Variants in RBFOX1 observed in about 807,000 individuals in gnomAD.
RBFOX1 encodes the protein RNA binding fox-1 homolog 1, also known as RNA binding protein fox-1 homolog 1.
A neutral mutation model predicts 57.7 loss-of-function variants in RBFOX1; 8 were observed. The observed-to-expected ratio is 0.14, with a 90% CI of 0.08 to 0.25. The LOEUF (loss-of-function observed/expected upper bound fraction) is 0.25, where lower values mean the gene tolerates loss of function less well. Among genes scored for constraint, RBFOX1 ranks in the 10% least tolerant of loss-of-function variants. The pLI is 1.00. For missense variants in RBFOX1, 611 were observed against 548.5 expected (o/e 1.11, Z -1.14); for synonymous variants, 326 against 222.4 (o/e 1.47, Z -4.15).
intron 4 of RBFOX1, among the ~76,000 whole-genome samples, chr16:7,173,761 C>T (rs1283719454): frequency 6.6e-6 from 1 of 152,128 alleles, no homozygotes; most frequent in African/African-American, 2.4e-5. Context: ...AGTTAAGTTC[C>T]ACTTGCAGCA....
intron 4 of RBFOX1, among the ~76,000 whole-genome samples, chr16:5,980,991 C>G (rs1257999604): frequency 6.6e-6 from 1 of 152,148 alleles, no homozygotes; most frequent in Non-Finnish European, 1.5e-5. Context: ...TCTGCAGACC[C>G]ACAGCCTGCC....
intron 2 of RBFOX1, among the ~76,000 whole-genome samples, chr16:5,491,680 T>A (rs1207282530): frequency 6.6e-6 from 1 of 152,228 alleles, no homozygotes; most frequent in African/African-American, 2.4e-5. Context: ...CCAGCAGCCA[T>A]GAGCTAGACT....
chr16:6,786,520 C>G (rs1454395784), intron 3 of RBFOX1, among the ~76,000 whole-genome samples: 1 of 152,122 alleles, frequency 6.6e-6, no homozygotes, highest in Admixed American at 6.5e-5. Flanking sequence ...GTGAACATTT[C>G]AGACAGAGTT....
At chr16:6,907,762 T>C (rs917647050) in intron 3 of RBFOX1, among the ~76,000 whole-genome samples, 4 of 151,634 alleles carry the variant, frequency 2.6e-5, no homozygotes, top group Non-Finnish European at 5.9e-5. Flanking sequence ...TTAGTAGAGA[T>C]AGGGTTTCAC....
At chr16:6,201,919 G>A (rs1489934937) in intron 1 of RBFOX1, among the ~76,000 whole-genome samples, 1 of 152,150 alleles carries the variant, frequency 6.6e-6, no homozygotes, top group Non-Finnish European at 1.5e-5. Flanking sequence ...CTACAACTTA[G>A]AGCATGAGAT....
chr16:7,036,617 C>T (rs1008865142), intron 3 of RBFOX1, among the ~76,000 whole-genome samples: 24 of 151,836 alleles, frequency 1.6e-4, no homozygotes, highest in Admixed American at 8.5e-4. Context: ...CGCTTGAAAC[C>T]GTAAGGCGGA....
At chr16:6,921,775 A>G (rs910860818) in intron 3 of RBFOX1, among the ~76,000 whole-genome samples, 11 of 145,396 alleles carry the variant, frequency 7.6e-5, no homozygotes, top group Admixed American at 7.0e-5. Context: ...ATGAAGATGT[A>G]TGTTGTATAT....
intron 2 of RBFOX1, among the ~76,000 whole-genome samples, chr16:6,414,596 T>C (rs1054572965): frequency 3.3e-5 from 5 of 152,172 alleles, no homozygotes; most frequent in Non-Finnish European, 5.9e-5. Context: ...GGGGTCTCAT[T>C]CGATTCAAGC....
intron 3 of RBFOX1, among the ~76,000 whole-genome samples, chr16:6,972,921 C>T (rs763550723): frequency 6.6e-6 from 1 of 152,028 alleles, no homozygotes; most frequent in African/African-American, 2.4e-5. Flanking sequence ...GTCAGGAGTT[C>T]GAGGCCAACT....
intron 4 of RBFOX1, among the ~76,000 whole-genome samples, chr16:7,186,210 A>G (rs1338481625): frequency 6.8e-6 from 1 of 147,298 alleles, no homozygotes; most frequent in South Asian, 2.1e-4. Flanking sequence ...AAATGTGTAT[A>G]TAAATATTTA....
At chr16:6,710,383 A>G (rs1343239076) in intron 3 of RBFOX1, among the ~76,000 whole-genome samples, 1 of 152,204 alleles carries the variant, frequency 6.6e-6, no homozygotes, top group East Asian at 1.9e-4. Flanking sequence ...AAATATCCAA[A>G]GCATGATCAT....
intron 2 of RBFOX1, among the ~76,000 whole-genome samples, chr16:6,598,875 G>A (rs2097809005): frequency 6.6e-6 from 1 of 152,170 alleles, no homozygotes; most frequent in African/African-American, 2.4e-5. Flanking sequence ...GAATCCAGGA[G>A]ATGGAAGTTA....
At chr16:5,495,941 C>T (rs1173186570) in intron 2 of RBFOX1, among the ~76,000 whole-genome samples, 1 of 152,186 alleles carries the variant, frequency 6.6e-6, no homozygotes, top group Non-Finnish European at 1.5e-5. Context: ...TCCTGGCCAA[C>T]ATGGTGAAAC....
chr16:7,574,773 A>G lies in RBFOX1; in HGVS notation c.271-5004A>G, dbSNP rs151325621. On this transcript the variant is annotated intron_variant, in intron 5 of 15. Transcript: ENST00000550418. The stretch of plus-strand genomic sequence containing the variant: ...CCAATACTTTGCATCCTTCAATCCA[A>G]TCAAGTTGACACTCAGTGTTAACCG... Among the ~76,000 whole-genome samples the G allele has an allele frequency of 6.0e-4, 91 of 152,156 alleles. No individual in the cohort carries two copies. The East Asian group carries it at 0.013, about 22-fold the overall frequency.
intron 1 of RBFOX1, among the ~76,000 whole-genome samples, chr16:5,434,317 C>CTTTTTT (rs5815245): frequency 0.025 from 1,991 of 79,666 alleles, 275 homozygotes; most frequent in African/African-American, 0.094. Flanking sequence ...TGCTGAAGTC[C>CTTTTTT]TTTTTTTTTT....
At chr16:7,431,701 C>A (rs1238745021) in intron 4 of RBFOX1, among the ~76,000 whole-genome samples, 3 of 152,202 alleles carry the variant, frequency 2.0e-5, no homozygotes, top group African/African-American at 7.2e-5. Context: ...TGTCCCTCTC[C>A]ATTCTGTCCT....
chr16:5,522,103 C>G (rs17138005), intron 2 of RBFOX1, among the ~76,000 whole-genome samples: 6,697 of 152,334 alleles, frequency 0.044, 506 homozygotes, highest in African/African-American at 0.15. Context: ...GCCAGGCTCT[C>G]TGGAGTAAGC....
At chr16:5,360,280 T>C (rs1596653569) in intron 1 of RBFOX1, among the ~76,000 whole-genome samples, 1 of 152,348 alleles carries the variant, frequency 6.6e-6, no homozygotes, top group South Asian at 2.1e-4. Context: ...AATTAGAGGA[T>C]AGGCATCCTC....
chr16:5,683,737 G>A (rs977051148), intron 3 of RBFOX1, among the ~76,000 whole-genome samples: 4 of 148,662 alleles, frequency 2.7e-5, no homozygotes, highest in East Asian at 2.0e-4. Context: ...TCCCCTTTAC[G>A]TGTATGTGTG....
Sources: gnomAD v4.1 joint callset for allele counts (sites outside exome capture counted in the v4.1 genomes callset) on GRCh38, gnomAD v4.1.1 for gene constraint, MANE v1.5 for transcripts, NCBI Gene and HGNC (gene_info 2026-07-23, HGNC 2026-07-21) for gene names.